The following CNKSR2 variants were observed in gnomAD, a reference collection of about 807,000 sequenced individuals.
CNKSR2 encodes the protein CNK homolog protein 2.
A neutral mutation model predicts 84.4 loss-of-function variants in CNKSR2; 14 were observed. The observed-to-expected ratio is 0.17, with a 90% CI of 0.11 to 0.26. The LOEUF is 0.26. Among genes scored for constraint, CNKSR2 ranks in the 10% least tolerant of loss-of-function variants. The pLI, the probability that CNKSR2 is intolerant of heterozygous loss-of-function variation, is 1.00. For synonymous variants in CNKSR2, 275 were observed against 277.9 expected (o/e 0.99, Z 0.10); for missense variants, 485 against 771.2 (o/e 0.63, Z 4.40).
At chrX:21,462,769 G>A (rs903532703) in intron 4 of CNKSR2, among the ~76,000 whole-genome samples, 2 of 102,583 alleles carry the variant, frequency 1.9e-5, no homozygotes, top group Non-Finnish European at 3.9e-5. Context: ...GTTGGAGTAC[G>A]GTGACGTGAT....
At chrX:21,394,990 A>G (rs1260283142) in intron 1 of CNKSR2, among the ~76,000 whole-genome samples, 1 of 111,889 alleles carries the variant, frequency 8.9e-6, no homozygotes, top group East Asian at 2.8e-4. Flanking sequence ...CTTCTCATTC[A>G]TGTGTCACAA....
chrX:21,508,521 A>C (rs1218682575), intron 8 of CNKSR2, among the ~76,000 whole-genome samples: 1 of 112,083 alleles, frequency 8.9e-6, no homozygotes, highest in Non-Finnish European at 1.9e-5. Context: ...TGATGAAGTA[A>C]AAGGACATTG....
intron 18 of CNKSR2, chrX:21,606,415 C>T (rs757043414): frequency 2.3e-5 from 3 of 131,767 alleles, no homozygotes; most frequent in African/African-American, 6.4e-5. Flanking sequence ...AAATGATATA[C>T]CTTTAAGAGG....
At chrX:21,567,795 G>GGTGTGTGTGTGT (rs58020537) in intron 13 of CNKSR2, among the ~76,000 whole-genome samples, 28 of 90,136 alleles carry the variant, frequency 3.1e-4, no homozygotes, top group African/African-American at 1.1e-3. Context: ...GTTTTTGTGT[G>GGTGTGTGTGTGT]GTGTGTGTGT....
intron 20 of CNKSR2, among the ~76,000 whole-genome samples, chrX:21,636,089 T>G (rs1367677518): frequency 3.6e-5 from 4 of 111,295 alleles, no homozygotes; most frequent in Non-Finnish European, 7.6e-5. Flanking sequence ...AAAACTATGT[T>G]GATAGAGTTG....
chrX:21,564,085 G>A (rs1299292227), intron 13 of CNKSR2, among the ~76,000 whole-genome samples: 2 of 111,313 alleles, frequency 1.8e-5, no homozygotes, highest in South Asian at 7.5e-4. Flanking sequence ...ATGCAGGTGC[G>A]CCACAAATGT....
Position 21,591,213 on chromosome X carries a change from T to C in CNKSR2, c.1830+19T>C. 9.0e-7 allele frequency: 1 copy of C among 1,112,609 alleles called. No homozygotes were observed. Among genetic ancestry groups the C allele is most frequent in the Non-Finnish European group, 1.2e-6 (1 of 825,415 alleles). The allele number at this position is 1,112,609 out of a possible 1,213,427, so 91.7% of individuals were successfully genotyped here. On this transcript the variant is annotated intron_variant, in intron 15 of 21. Coordinates refer to ENST00000379510, the MANE Select transcript of CNKSR2 (RefSeq NM_014927.5). ...TGAGGAGGTAAGATAAAGCACCTTTTGTTTTCTCATCCATTCTCTATCTTT... is the reference window on the plus strand; with the variant it reads ...TGAGGAGGTAAGATAAAGCACCTTTCGTTTTCTCATCCATTCTCTATCTTT...
At chrX:21,536,422 T>G (rs773759103) in intron 11 of CNKSR2, among the ~76,000 whole-genome samples, 1 of 111,282 alleles carries the variant, frequency 9.0e-6, no homozygotes, top group Non-Finnish European at 1.9e-5. Flanking sequence ...TCGGATAGTT[T>G]GAGAATACTT....
intron 1 of CNKSR2, among the ~76,000 whole-genome samples, chrX:21,405,884 T>A (rs1012806666): frequency 2.4e-4 from 27 of 111,443 alleles, no homozygotes; most frequent in Non-Finnish European, 4.5e-4. Context: ...TTCAGAAAAG[T>A]TAGTTTTAGG....
chrX:21,515,831 C>T (rs971751240), intron 8 of CNKSR2, among the ~76,000 whole-genome samples: 2 of 111,670 alleles, frequency 1.8e-5, no homozygotes, highest in African/African-American at 6.5e-5. Flanking sequence ...AAATTTAGCA[C>T]GTTATATTTT....
At chrX:21,457,658 T>C (rs140775857) in intron 4 of CNKSR2, among the ~76,000 whole-genome samples, 251 of 111,748 alleles carry the variant, frequency 2.2e-3, no homozygotes, top group African/African-American at 7.4e-3. Context: ...GATACAAGTA[T>C]ACCAGTGTAT....
intron 11 of CNKSR2, among the ~76,000 whole-genome samples, chrX:21,539,719 GT>G (rs994984861): frequency 3.6e-5 from 4 of 110,880 alleles, no homozygotes; most frequent in African/African-American, 1.3e-4. Context: ...TGTTTGGGTT[GT>G]GTGTGTGTGC....
rs1321191462 is a variant in CNKSR2 at position 21,648,866 on chromosome X, C to A, written c.2728C>A (p.Gln910Lys). 3.7e-6 allele frequency: 4 copies of A among 1,092,766 alleles called. No individual in the cohort carries two copies. Among genetic ancestry groups the A allele is most frequent in the Admixed American group, 2.9e-5 (1 of 34,616 alleles). The allele number at this position is 1,092,766 out of a possible 1,213,427, so 90.1% of individuals were successfully genotyped here. Residue 910 changes from glutamine (Q) to lysine (K), a missense_variant, in exon 21 of 22, where the codon CAA becomes AAA. Transcript: ENST00000379510. ...AGAAGAAAAGTTAGGAGACTCATTGCAAGATTTATACAGGGCACTGGAGCA... is the reference window on the plus strand; with the variant it reads ...AGAAGAAAAGTTAGGAGACTCATTGAAAGATTTATACAGGGCACTGGAGCA... ...SREEKLGDSL[Q>K]DLYRALEQAS...
At chrX:21,447,491 G>A (rs1462715500) in intron 4 of CNKSR2, among the ~76,000 whole-genome samples, 3 of 111,556 alleles carry the variant, frequency 2.7e-5, no homozygotes, top group African/African-American at 9.8e-5. Context: ...ACCCTAAGAA[G>A]AGGTAACTTT....
chrX:21,517,369 A>G (rs2091738191), intron 9 of CNKSR2, among the ~76,000 whole-genome samples: 1 of 110,459 alleles, frequency 9.1e-6, no homozygotes, highest in Admixed American at 9.7e-5. Flanking sequence ...TGGGCAACAG[A>G]GACTCCATCT....
chrX:21,376,138 T>C (rs2089811747), intron 1 of CNKSR2, among the ~76,000 whole-genome samples: 2 of 112,621 alleles, frequency 1.8e-5, no homozygotes, highest in African/African-American at 3.2e-5. Flanking sequence ...GAGCCCCTTC[T>C]TGGGCTTACT....
intron 3 of CNKSR2, among the ~76,000 whole-genome samples, chrX:21,434,220 A>AT (rs2090674758): frequency 9.0e-6 from 1 of 111,456 alleles, no homozygotes; most frequent in Admixed American, 9.6e-5. Context: ...TCATTTATAT[A>AT]TTTTTTACCC....
At chrX:21,402,626 T>G (rs5904483) in intron 1 of CNKSR2, among the ~76,000 whole-genome samples, 21,395 of 110,377 alleles carry the variant, frequency 0.19, 4,949 homozygotes, top group African/African-American at 0.66. Flanking sequence ...AGTAAATAAA[T>G]ATTTTTATAT....
intron 4 of CNKSR2, among the ~76,000 whole-genome samples, chrX:21,460,772 C>T (rs2091051233): frequency 9.0e-6 from 1 of 111,545 alleles, no homozygotes; most frequent in Admixed American, 9.5e-5. Context: ...TTTTTAGATC[C>T]TGCAAATGAG....
Sources: gnomAD v4.1 joint callset for allele counts (sites outside exome capture counted in the v4.1 genomes callset) on GRCh38, gnomAD v4.1.1 for gene constraint, MANE v1.5 for transcripts, NCBI Gene and HGNC (gene_info 2026-07-23, HGNC 2026-07-21) for gene names.